Variants in CAB39 observed in about 807,000 individuals in gnomAD.
The protein encoded by CAB39 is calcium-binding protein 39.
Under a neutral mutation model 40.0 loss-of-function variants are expected in CAB39, and 8 were observed. The ratio of observed to expected loss-of-function variants is 0.20; its 90% CI spans 0.12 to 0.36. CAB39 has a LOEUF of 0.36. Ranked by LOEUF, CAB39 falls within the 10% of genes least tolerant of loss-of-function variation. The probability of loss-of-function intolerance (pLI) is 1.00; values close to 1 mark genes in which losing one functional copy is unlikely to be tolerated. For synonymous variants in CAB39, 156 were observed against 141.6 expected (o/e 1.10, Z -0.72); for missense variants, 270 against 401.1 (o/e 0.67, Z 2.79).
chr2:230,755,150 T>C (rs995508111), intron 1 of CAB39, among the ~76,000 whole-genome samples: 8 of 152,216 alleles, frequency 5.3e-5, no homozygotes, highest in African/African-American at 1.7e-4. Flanking sequence ...TCTGGGTAGA[T>C]ACCCAGTAGT....
At chr2:230,798,941 G>T (rs1463209456) in intron 5 of CAB39, 44 bp downstream of exon 5, 4 of 1,487,636 alleles carry the variant, frequency 2.7e-6, no homozygotes, top group Non-Finnish European at 3.7e-6. Flanking sequence ...AAAGTCAGAG[G>T]TGTGCTGTTT....
chr2:230,776,293 A>C (rs1054370673), intron 2 of CAB39, among the ~76,000 whole-genome samples: 2 of 152,140 alleles, frequency 1.3e-5, no homozygotes, highest in Admixed American at 1.3e-4. Context: ...AATTCACAGG[A>C]AGTTGCTGAA....
At chr2:230,753,704 A>G (rs1007254090) in intron 1 of CAB39, among the ~76,000 whole-genome samples, 1 of 150,128 alleles carries the variant, frequency 6.7e-6, no homozygotes, top group South Asian at 2.1e-4. Flanking sequence ...AGATCGCACC[A>G]CTGCACTCCA....
intron 6 of CAB39, among the ~76,000 whole-genome samples, chr2:230,812,733 A>T: frequency 6.6e-6 from 1 of 152,228 alleles, no homozygotes; most frequent in Non-Finnish European, 1.5e-5. Context: ...AGAAGAAATA[A>T]TGTATAATTC....
At chr2:230,762,091 A>G (rs1212266342) in intron 2 of CAB39, among the ~76,000 whole-genome samples, 1 of 152,080 alleles carries the variant, frequency 6.6e-6, no homozygotes, top group Non-Finnish European at 1.5e-5. Flanking sequence ...TAGTTTTAGT[A>G]GAGACGGGGT....
At chr2:230,725,453 C>T in intron 1 of CAB39, 1 of 1,444,498 alleles carries the variant, frequency 6.9e-7, no homozygotes, top group African/African-American at 1.4e-5. Flanking sequence ...GTTCCTCCCG[C>T]CACCCGGCCA....
chr2:230,804,925 C>T (rs1696162998), intron 5 of CAB39, among the ~76,000 whole-genome samples: 1 of 152,188 alleles, frequency 6.6e-6, no homozygotes, highest in Non-Finnish European at 1.5e-5. Context: ...ACAAATCATA[C>T]TACTATGAAG....
In CAB39 at chr2:230,771,574, G is replaced by T. The variant is rs879461372; in HGVS notation, c.114+11459G>T. On this transcript the variant is annotated intron_variant, in intron 2 of 8. Coordinates refer to ENST00000258418, the MANE Select transcript of CAB39 (RefSeq NM_016289.4). The stretch of plus-strand genomic sequence containing the variant: ...CTCTCCAGATGTATCTAGAGATTCT[G>T]TGCAATTCCAGCAGGATTTTTAAAT... Among the ~76,000 whole-genome samples the T allele has an allele frequency of 2.6e-5, 4 of 152,264 alleles. No individual in the cohort carries two copies. In the East Asian group the frequency reaches 7.7e-4, roughly 29 times the overall value.
intron 1 of CAB39, among the ~76,000 whole-genome samples, chr2:230,746,370 A>C (rs1365589989): frequency 6.6e-6 from 1 of 152,214 alleles, no homozygotes; most frequent in Non-Finnish European, 1.5e-5. Flanking sequence ...AACACACCTT[A>C]ATCAATGACT....
At chr2:230,779,378 A>G (rs1262161478) in intron 2 of CAB39, 1 of 152,340 alleles carries the variant, frequency 6.6e-6, no homozygotes, top group Non-Finnish European at 1.5e-5. Context: ...GAAACAGCTA[A>G]GAACTGAAAC....
chr2:230,783,746 T>C (rs1028619169), intron 2 of CAB39, among the ~76,000 whole-genome samples: 19 of 152,050 alleles, frequency 1.2e-4, no homozygotes, highest in African/African-American at 4.1e-4. Context: ...AAGCCATCCA[T>C]CTGCCTTGGC....
chr2:230,717,371 A>G (rs1432500150), intron 1 of CAB39, among the ~76,000 whole-genome samples: 1 of 152,188 alleles, frequency 6.6e-6, no homozygotes, highest in Non-Finnish European at 1.5e-5. Context: ...TAATTACAGA[A>G]GGAATTGAGC....
At chr2:230,787,354 G>T (rs578171823) in intron 2 of CAB39, among the ~76,000 whole-genome samples, 68 of 152,216 alleles carry the variant, frequency 4.5e-4, no homozygotes, top group African/African-American at 1.6e-3. Context: ...GATTGAGGCA[G>T]GTCATGGGAG....
chr2:230,819,549 T>C lies in CAB39; in HGVS notation c.*845T>C, dbSNP rs1696469601. 6.5e-6 allele frequency: 1 copy of C among 152,794 alleles called. No individual in the cohort carries two copies. Among genetic ancestry groups the C allele is most frequent in the East Asian group, 1.9e-4 (1 of 5,188 alleles). 9.5% of individuals were successfully genotyped at this position (152,794 alleles called of 1,614,324 possible). The stretch of plus-strand genomic sequence containing the variant: ...GCAGAGGAATGTTATTGTAGTAGTA[T>C]GTAACTATTACCTAATACTGAGTTT... On this transcript the variant is annotated 3_prime_UTR_variant, in exon 9 of 9. Transcript: ENST00000258418.
At chr2:230,803,653 T>C (rs60887266) in intron 5 of CAB39, among the ~76,000 whole-genome samples, 8,396 of 152,208 alleles carry the variant, frequency 0.055, 792 homozygotes, top group African/African-American at 0.19. Flanking sequence ...CCATTCACAA[T>C]TGCTACAAAG....
chr2:230,782,988 T>TTTTGTA, intron 2 of CAB39, among the ~76,000 whole-genome samples: 1 of 150,824 alleles, frequency 6.6e-6, no homozygotes, highest in Non-Finnish European at 1.5e-5. Flanking sequence ...AATTTTTTGT[T>TTTTGTA]TTTGTTTTTG....
intron 1 of CAB39, among the ~76,000 whole-genome samples, chr2:230,754,374 CCTTCCTCTTCCCCTCCTT>C (rs1695148650): frequency 6.4e-5 from 8 of 125,526 alleles, no homozygotes; most frequent in East Asian, 2.1e-4. Flanking sequence ...TCCCCTTCTG[CCTTCCTCTTCCCCTCCTT>C]CTTCCCCTTC....
At chr2:230,725,045 C>T in intron 1 of CAB39, 3 of 1,415,144 alleles carry the variant, frequency 2.1e-6, no homozygotes, top group Non-Finnish European at 3.0e-6. Flanking sequence ...GTGAGTACAA[C>T]AATAGCAATC....
At position 230,805,725 on chromosome 2, in the gene CAB39, C is replaced by A. The variant is rs552463818; in HGVS notation, c.568-4538C>A. ...CTAGATGTTGTATAATTCTACAAAT[C>A]TGTTTTCATGGAAACAGTAAAACTG... On this transcript the variant is annotated intron_variant, in intron 5 of 8. Coordinates refer to ENST00000258418, the MANE Select transcript of CAB39 (RefSeq NM_016289.4). Among the ~76,000 whole-genome samples, 3 of 152,354 alleles carry A rather than the reference C, an allele frequency of 2.0e-5. No homozygotes were observed. The East Asian group carries it at 5.8e-4, about 29-fold the overall frequency.
Sources: allele counts gnomAD v4.1 joint callset (sites outside exome capture counted in the v4.1 genomes callset), GRCh38; gene constraint gnomAD v4.1.1; transcripts MANE v1.5; gene names NCBI Gene and HGNC (gene_info 2026-07-23, HGNC 2026-07-21).